PTPRD: variants seen among roughly 807,000 people sequenced by gnomAD.
PTPRD encodes receptor-type tyrosine-protein phosphatase delta.
Under a neutral mutation model 214.5 loss-of-function variants are expected in PTPRD, and 34 were observed. The ratio of observed to expected loss-of-function variants is 0.16; its 90% CI spans 0.12 to 0.21. The LOEUF (loss-of-function observed/expected upper bound fraction) is 0.21, where lower values mean the gene tolerates loss of function less well. Ranked by LOEUF, PTPRD falls within the 10% of genes least tolerant of loss-of-function variation. The pLI, the probability that PTPRD is intolerant of heterozygous loss-of-function variation, is 1.00. For missense variants in PTPRD, 2,545 were observed against 2,398.7 expected, an observed-to-expected ratio of 1.06 and a Z score of -1.27; for synonymous variants, 1,128 against 845.7, an observed-to-expected ratio of 1.33 and a Z score of -5.79.
intron 8 of PTPRD, among the ~76,000 whole-genome samples, chr9:9,482,538 G>C (rs2095461459): frequency 6.6e-6 from 1 of 152,076 alleles, no homozygotes; most frequent in Non-Finnish European, 1.5e-5. Context: ...CTGGCACAAG[G>C]ATGAGAAAAG....
At chr9:9,925,120 T>G (rs1003329835) in intron 5 of PTPRD, among the ~76,000 whole-genome samples, 3 of 152,140 alleles carry the variant, frequency 2.0e-5, no homozygotes, top group African/African-American at 7.2e-5. Flanking sequence ...ACTATTATAG[T>G]AGGTTGTAGC....
intron 7 of PTPRD, among the ~76,000 whole-genome samples, chr9:9,639,593 C>A (rs2095872653): frequency 6.6e-6 from 1 of 152,090 alleles, no homozygotes; most frequent in Non-Finnish European, 1.5e-5. Flanking sequence ...TTCTCTCATT[C>A]TATAAAGATC....
intron 10 of PTPRD, among the ~76,000 whole-genome samples, chr9:9,036,768 A>G (rs66863659): frequency 0.18 from 26,885 of 152,002 alleles, 2,564 homozygotes; most frequent in Admixed American, 0.23. Flanking sequence ...GTTTGTCCCC[A>G]TTTCTTACCT....
intron 9 of PTPRD, among the ~76,000 whole-genome samples, chr9:9,359,531 T>C (rs1427589762): frequency 6.6e-6 from 1 of 151,222 alleles, no homozygotes; most frequent in Non-Finnish European, 1.5e-5. Context: ...AGAACAATTC[T>C]GCAGCATGGC....
intron 2 of PTPRD, among the ~76,000 whole-genome samples, chr9:10,416,228 T>A (rs554659830): frequency 1.3e-4 from 19 of 150,732 alleles, no homozygotes; most frequent in Non-Finnish European, 2.4e-4. Context: ...CATGGTGGCA[T>A]GTGCCTGTAG....
intron 9 of PTPRD, among the ~76,000 whole-genome samples, chr9:9,395,653 G>A (rs926942413): frequency 6.6e-6 from 1 of 151,974 alleles, no homozygotes; most frequent in African/African-American, 2.4e-5. Flanking sequence ...ATTATTCATG[G>A]TTACTAACCA....
intron 5 of PTPRD, among the ~76,000 whole-genome samples, chr9:9,814,170 C>G (rs1351289986): frequency 6.6e-6 from 1 of 151,994 alleles, no homozygotes; most frequent in Non-Finnish European, 1.5e-5. Context: ...CCACATGTGA[C>G]AAGCCAAAAG....
intron 9 of PTPRD, among the ~76,000 whole-genome samples, chr9:9,391,446 C>T (rs982941128): frequency 3.3e-5 from 5 of 152,070 alleles, no homozygotes; most frequent in African/African-American, 1.2e-4. Flanking sequence ...ATGACATTAC[C>T]TTAAATTAGA....
At position 10,091,868 on chromosome 9, in the gene PTPRD, A is replaced by G. The variant is rs1435085362; in HGVS notation, c.-544-58078T>C. Among the ~76,000 whole-genome samples, 8 of 151,428 alleles carry G rather than the reference A, an allele frequency of 5.3e-5. No individual in the cohort carries two copies. The South Asian group carries it at 1.7e-3, about 31-fold the overall frequency. On this transcript the variant is annotated intron_variant, in intron 3 of 45. Coordinates refer to ENST00000381196, the MANE Select transcript of PTPRD (RefSeq NM_002839.4). ...AAGTTCAAAAGAAGTTGGTTACCAGAACCTGTCCTTTTTCTCTCCCGGAAA... is the reference window on the plus strand; with the variant it reads ...AAGTTCAAAAGAAGTTGGTTACCAGGACCTGTCCTTTTTCTCTCCCGGAAA...
intron 7 of PTPRD, among the ~76,000 whole-genome samples, chr9:9,660,696 T>G (rs1432127141): frequency 6.6e-6 from 1 of 152,028 alleles, no homozygotes; most frequent in Non-Finnish European, 1.5e-5. Flanking sequence ...TCACAGTTCT[T>G]GTAGTTCAGA....
intron 6 of PTPRD, among the ~76,000 whole-genome samples, chr9:9,762,344 G>A (rs1395537830): frequency 6.6e-6 from 1 of 152,148 alleles, no homozygotes; most frequent in Non-Finnish European, 1.5e-5. Flanking sequence ...TTCTTGAAGT[G>A]ACAGTCTAGC....
intron 4 of PTPRD, among the ~76,000 whole-genome samples, chr9:9,966,007 G>A (rs191617991): frequency 6.6e-6 from 1 of 152,176 alleles, no homozygotes. Context: ...AAAAAGTCAG[G>A]TTTTTATATT....
chr9:10,584,564 G>A (rs2132560317), intron 2 of PTPRD, among the ~76,000 whole-genome samples: 1 of 152,208 alleles, frequency 6.6e-6, no homozygotes, highest in Non-Finnish European at 1.5e-5. Context: ...AGAACTAATG[G>A]TAGACTTCTT....
intron 2 of PTPRD, among the ~76,000 whole-genome samples, chr9:10,566,782 G>C (rs2065773400): frequency 6.6e-6 from 1 of 151,888 alleles, no homozygotes; most frequent in Non-Finnish European, 1.5e-5. Context: ...TACTCTCATA[G>C]CATCTTCCAA....
rs191954387 is a variant in PTPRD at position 9,707,397 on chromosome 9, T to C, written c.-287+27136A>G. ...TTATTATGTCAGAGATGAGATATAT[T>C]TCATTTGTAATCCCTCTCTAATAGA... is the stretch of plus-strand genomic sequence containing the variant. On this transcript the variant is annotated intron_variant, in intron 7 of 45. Transcript: ENST00000381196. Among the ~76,000 whole-genome samples the C allele has an allele frequency of 4.7e-3, 713 of 152,306 alleles. 6 individuals are homozygous for C. The highest frequency in any genetic ancestry group is 0.017 in the African/African-American group (688 of 41,570).
intron 14 of PTPRD, among the ~76,000 whole-genome samples, chr9:8,535,295 T>C (rs2076658246): frequency 6.6e-6 from 1 of 151,926 alleles, no homozygotes; most frequent in Admixed American, 6.6e-5. Context: ...AATGAGAAAT[T>C]ATTCTATGCA....
intron 7 of PTPRD, among the ~76,000 whole-genome samples, chr9:9,655,926 C>A (rs1026183569): frequency 6.6e-6 from 1 of 152,014 alleles, no homozygotes; most frequent in Middle Eastern, 3.4e-3. Flanking sequence ...TGCAGTGAAC[C>A]GAGATTGCAC....
chr9:9,090,133 C>T (rs1024504187), intron 10 of PTPRD, among the ~76,000 whole-genome samples: 4 of 152,104 alleles, frequency 2.6e-5, no homozygotes, highest in African/African-American at 7.2e-5. Context: ...ACTACAGTCA[C>T]CTTACTGTGC....
At chr9:9,539,754 C>T (rs1645652588) in intron 8 of PTPRD, among the ~76,000 whole-genome samples, 1 of 151,836 alleles carries the variant, frequency 6.6e-6, no homozygotes, top group Non-Finnish European at 1.5e-5. Context: ...TAGAATGCTA[C>T]TCACTAAATT....
Sources: gnomAD v4.1 joint callset for allele counts (sites outside exome capture counted in the v4.1 genomes callset) on GRCh38, gnomAD v4.1.1 for gene constraint, MANE v1.5 for transcripts, NCBI Gene and HGNC (gene_info 2026-07-23, HGNC 2026-07-21) for gene names.